The following CNBD1 variants were observed in gnomAD, a reference collection of about 807,000 sequenced individuals.
CNBD1 encodes cyclic nucleotide binding domain containing 1.
A neutral mutation model predicts 54.4 loss-of-function variants in CNBD1; 71 were observed. That is an observed-to-expected ratio of 1.30 (90% CI 1.08 to 1.59). The LOEUF is 1.59. Among genes scored for constraint, CNBD1 ranks in the 40% most tolerant of loss-of-function variants. The probability of loss-of-function intolerance (pLI) is 0.00; values close to 1 mark genes in which losing one functional copy is unlikely to be tolerated. For missense variants in CNBD1, 659 were observed against 518.0 expected, an observed-to-expected ratio of 1.27 and a Z score of -2.64; for synonymous variants, 182 against 170.7, an observed-to-expected ratio of 1.07 and a Z score of -0.51.
At chr8:87,169,479 G>C (rs111430229) in intron 4 of CNBD1, among the ~76,000 whole-genome samples, 1 of 151,792 alleles carries the variant, frequency 6.6e-6, no homozygotes, top group Non-Finnish European at 1.5e-5. Flanking sequence ...AGAAATCTTC[G>C]CCCACCCTAA....
chr8:87,092,993 A>G (rs1427706190), intron 4 of CNBD1, among the ~76,000 whole-genome samples: 1 of 152,120 alleles, frequency 6.6e-6, no homozygotes, highest in Non-Finnish European at 1.5e-5. Flanking sequence ...ACTCCTTCCA[A>G]TTCATCACTA....
At chr8:87,420,115 A>T (rs1267326552) in intron 2 of CNBD1, among the ~76,000 whole-genome samples, 5 of 151,526 alleles carry the variant, frequency 3.3e-5, no homozygotes, top group Non-Finnish European at 5.9e-5. Context: ...CATTTACAGA[A>T]TAAAAGATAG....
intron 2 of CNBD1, among the ~76,000 whole-genome samples, chr8:87,418,813 T>C (rs1051771491): frequency 6.6e-6 from 1 of 151,920 alleles, no homozygotes; most frequent in African/African-American, 2.4e-5. Context: ...ATAAAAGTTG[T>C]GCATATGTGA....
intron 4 of CNBD1, among the ~76,000 whole-genome samples, chr8:86,954,826 C>A (rs113941834): frequency 1.5e-4 from 23 of 152,154 alleles, no homozygotes; most frequent in African/African-American, 5.1e-4. Flanking sequence ...GAAAGTTGAA[C>A]AATTTTCTTC....
intron 4 of CNBD1, among the ~76,000 whole-genome samples, chr8:86,999,412 T>C (rs954910726): frequency 5.9e-5 from 9 of 152,198 alleles, no homozygotes; most frequent in African/African-American, 2.2e-4. Context: ...ATGTGAGCAA[T>C]GCATCTACTA....
intron 4 of CNBD1, among the ~76,000 whole-genome samples, chr8:87,164,453 A>G (rs1374330123): frequency 2.0e-5 from 3 of 151,728 alleles, no homozygotes; most frequent in African/African-American, 7.2e-5. Context: ...GTGTTTAATT[A>G]CTGAGTCAAT....
intron 8 of CNBD1, among the ~76,000 whole-genome samples, chr8:87,321,447 T>A (rs1330281004): frequency 6.6e-6 from 1 of 152,192 alleles, no homozygotes; most frequent in East Asian, 1.9e-4. Context: ...TAATAATTAG[T>A]GATACTGAAC....
At chr8:87,414,083 T>A (rs1807797315) in intron 2 of CNBD1, among the ~76,000 whole-genome samples, 1 of 152,146 alleles carries the variant, frequency 6.6e-6, no homozygotes, top group South Asian at 2.1e-4. Flanking sequence ...ATATGTTTAT[T>A]GCGGCACTAT....
intron 4 of CNBD1, among the ~76,000 whole-genome samples, chr8:86,980,493 A>C (rs1235845541): frequency 6.6e-6 from 1 of 152,220 alleles, no homozygotes; most frequent in Non-Finnish European, 1.5e-5. Context: ...AAAGCATACA[A>C]AATTCACCAA....
intron 4 of CNBD1, among the ~76,000 whole-genome samples, chr8:87,159,518 G>A (rs1383448504): frequency 6.6e-6 from 1 of 152,060 alleles, no homozygotes; most frequent in Non-Finnish European, 1.5e-5. Context: ...GGATAGGATG[G>A]GAGGGGAAGC....
chr8:87,123,342 A>T (rs986694156), intron 4 of CNBD1, among the ~76,000 whole-genome samples: 6 of 151,748 alleles, frequency 4.0e-5, no homozygotes, highest in African/African-American at 1.4e-4. Flanking sequence ...GTATGAAACT[A>T]GAAATCAGTA....
At chr8:87,224,043 T>A (rs1483814376) in intron 5 of CNBD1, among the ~76,000 whole-genome samples, 3 of 151,678 alleles carry the variant, frequency 2.0e-5, no homozygotes, top group Non-Finnish European at 4.4e-5. Flanking sequence ...ATGTCTTCTT[T>A]TGAGAAGTGT....
intron 4 of CNBD1, among the ~76,000 whole-genome samples, chr8:87,165,154 G>A (rs1728794090): frequency 6.6e-6 from 1 of 151,604 alleles, no homozygotes; most frequent in Admixed American, 6.6e-5. Flanking sequence ...CCTTAAATTT[G>A]TTCATAATTA....
intron 3 of CNBD1, among the ~76,000 whole-genome samples, chr8:86,912,587 T>C (rs1809116655): frequency 1.2e-4 from 18 of 152,196 alleles, no homozygotes; most frequent in Admixed American, 1.1e-3. Context: ...TATATAAAAA[T>C]ATAGCACACA....
At chr8:87,087,169 A>G (rs2130673610) in intron 4 of CNBD1, among the ~76,000 whole-genome samples, 1 of 108,880 alleles carries the variant, frequency 9.2e-6, no homozygotes, top group South Asian at 2.8e-4. Flanking sequence ...AGGAATATGT[A>G]TGAGGCAAAA....
At chr8:87,164,001 T>C (rs1812910747) in intron 4 of CNBD1, among the ~76,000 whole-genome samples, 1 of 151,920 alleles carries the variant, frequency 6.6e-6, no homozygotes, top group Admixed American at 6.6e-5. Flanking sequence ...ATTTCTATTT[T>C]TGAAAGAATG....
chr8:87,354,207 G>T (rs1810371820), intron 10 of CNBD1, among the ~76,000 whole-genome samples: 1 of 152,034 alleles, frequency 6.6e-6, no homozygotes, highest in Admixed American at 6.6e-5. Flanking sequence ...CTCTGTGTGA[G>T]TCCTTAGGAT....
intron 2 of CNBD1, among the ~76,000 whole-genome samples, chr8:87,393,644 A>G (rs1049977666): frequency 6.6e-6 from 1 of 151,896 alleles, no homozygotes; most frequent in African/African-American, 2.4e-5. Flanking sequence ...TAAAAGTACA[A>G]AGAGATGAAT....
chr8:87,091,343 C>A (rs919552331), intron 4 of CNBD1, among the ~76,000 whole-genome samples: 1 of 152,124 alleles, frequency 6.6e-6, no homozygotes, highest in Admixed American at 6.6e-5. Context: ...CTACCAGTTT[C>A]ATCTCCCTTT....
Sources: gnomAD v4.1 joint callset for allele counts (sites outside exome capture counted in the v4.1 genomes callset) on GRCh38, gnomAD v4.1.1 for gene constraint, MANE v1.5 for transcripts, NCBI Gene and HGNC (gene_info 2026-07-23, HGNC 2026-07-21) for gene names.